The following USP44 variants were observed in gnomAD, a reference collection of about 807,000 sequenced individuals.
USP44 encodes the protein ubiquitin carboxyl-terminal hydrolase 44.
In USP44, 61 loss-of-function variants were observed where a neutral mutation model predicts 69.0. That is an observed-to-expected ratio of 0.88 (90% CI 0.72 to 1.09). The LOEUF is 1.09. USP44 is among the 50% of genes least tolerant of loss of function. The pLI is 0.00. For synonymous variants in USP44, 297 were observed against 295.4 expected, an observed-to-expected ratio of 1.01 and a Z score of -0.06; for missense variants, 753 against 849.9, an observed-to-expected ratio of 0.89 and a Z score of 1.42.
intron 4 of USP44, among the ~76,000 whole-genome samples, chr12:95,523,562 A>G (rs2076734833): frequency 6.6e-6 from 1 of 152,010 alleles, no homozygotes; most frequent in Non-Finnish European, 1.5e-5. Flanking sequence ...TTTTTCCAAT[A>G]TCTCTCAGCC....
At chr12:95,544,864 ATGTCTTAGTGTC>A (rs2077522500) in intron 1 of USP44, among the ~76,000 whole-genome samples, 2 of 152,138 alleles carry the variant, frequency 1.3e-5, no homozygotes, top group Non-Finnish European at 2.9e-5. Flanking sequence ...TACATTTTAT[ATGTCTTAGTGTC>A]TTATAACCAC....
chr12:95,517,465 C>A lies in USP44; in HGVS notation c.*689G>T, dbSNP rs1430612170. ...CTGGACAAACCTGTTTGCTGCCAGA[C>A]AAAAATCATAAATCCCAGCCATCAT... On this transcript the variant is annotated 3_prime_UTR_variant, in exon 6 of 6. Transcript: ENST00000258499. The A allele has an allele frequency of 6.7e-6, 1 of 149,062 alleles. No individual in the cohort carries two copies. Among genetic ancestry groups the A allele is most frequent in the Admixed American group, 6.7e-5 (1 of 15,020 alleles). 9.2% of individuals were successfully genotyped at this position (149,062 alleles called of 1,614,324 possible).
At chr12:95,539,899 T>C (rs2140337387) in intron 1 of USP44, among the ~76,000 whole-genome samples, 1 of 152,310 alleles carries the variant, frequency 6.6e-6, no homozygotes, top group Non-Finnish European at 1.5e-5. Flanking sequence ...AAATCAAATA[T>C]CACAGGTAAT....
At chr12:95,527,996 G>A (rs922013522) in intron 3 of USP44, among the ~76,000 whole-genome samples, 4 of 151,796 alleles carry the variant, frequency 2.6e-5, no homozygotes, top group Admixed American at 2.0e-4. Flanking sequence ...GTGCCACCAT[G>A]CCCAGCTAAT....
rs1166278141 is a variant in USP44 at position 95,518,007 on chromosome 12, A to ACTT, written c.*144_*146dup. On this transcript the variant is annotated 3_prime_UTR_variant, in exon 6 of 6. Transcript: ENST00000258499. ...ACCTTCAGTTGATATATACATTTAT[A>ACTT]CTTTGTAAAAAAAAAAATTGTTAGA... The ACTT allele has an allele frequency of 2.5e-6, 2 of 813,078 alleles. No individual in the cohort carries two copies. The highest frequency in any genetic ancestry group is 6.0e-5 in the Admixed American group (2 of 33,202). The allele number at this position is 813,078 out of a possible 1,614,324, so 50.4% of individuals were successfully genotyped here. A position where few individuals can be genotyped will look rare whatever the true frequency, so the allele number is the denominator to read the frequency against.
chr12:95,546,558 A>G lies in USP44; in HGVS notation c.-71+4714T>C, dbSNP rs552263650. On this transcript the variant is annotated intron_variant, in intron 1 of 5. Coordinates refer to ENST00000258499, the MANE Select transcript of USP44 (RefSeq NM_032147.5). ...TGAATTCAGAGAATTATTCGGGCAC[A>G]CGATTTATTTCCTATCTTGATTAGA... The G allele has an allele frequency of 2.0e-5, 3 of 152,284 alleles. No homozygotes were observed. In the East Asian group the frequency reaches 5.8e-4, roughly 29 times the overall value. The allele number at this position is 152,284 out of a possible 1,614,324, so 9.4% of individuals were successfully genotyped here. A position where few individuals can be genotyped will look rare whatever the true frequency, so the allele number is the denominator to read the frequency against.
rs2077652931 is a variant in USP44 at position 95,548,595 on chromosome 12, CCT to C, written c.-71+2675_-71+2676del. ...CCGCCGCGCGCCCCTCGGCTCATTC[CCT>C]TCCGCGCGCCCGCAGCCCCAGGCTC... is the stretch of plus-strand genomic sequence containing the variant. On this transcript the variant is annotated intron_variant, in intron 1 of 5. Transcript: ENST00000258499. This position sits in a 1 kb window ranked among gnomAD's most constrained non-coding sequence, Gnocchi z 4.1. 6.5e-6 allele frequency: 1 copy of C among 152,950 alleles called. No homozygotes were observed. Among genetic ancestry groups the C allele is most frequent in the African/African-American group, 2.4e-5 (1 of 41,402 alleles). The allele number at this position is 152,950 out of a possible 1,614,324, so 9.5% of individuals were successfully genotyped here.
intron 1 of USP44, among the ~76,000 whole-genome samples, chr12:95,537,424 T>G (rs1448504289): frequency 6.6e-6 from 1 of 152,096 alleles, no homozygotes; most frequent in East Asian, 1.9e-4. Flanking sequence ...GTTCAAGCGA[T>G]TCTCCTGCCT....
In USP44 at chr12:95,518,274, C is replaced by T; in HGVS notation, c.2019G>A (p.Leu673=). ...DEVCKAQAYI[L]FYTQRVTENG... ...TCTCAGTAACTCGTTGGGTATAAAA[C>T]AAGATATAAGCTTGAGCCTTGCATA... Residue 673 remains leucine, a synonymous_variant, in exon 6 of 6, where the codon TTG becomes TTA. Coordinates refer to ENST00000258499, the MANE Select transcript of USP44 (RefSeq NM_032147.5). 1.2e-6 allele frequency: 2 copies of T among 1,614,126 alleles called. No homozygotes were observed. Among genetic ancestry groups the T allele is most frequent in the African/African-American group, 2.7e-5 (2 of 75,030 alleles).
rs368895886 is a variant in USP44 at position 95,533,600 on chromosome 12, G to A, written c.657C>T (p.Leu219=). ...PPRKSLRLQG[L]AQSTIIEIVS... is the part of the protein sequence containing the mutation. ...CTATTTCTATTATGGTCGACTGAGC[G>A]AGCCCTTGTAAACGTAAACTCTTTC... Residue 219 remains leucine (L), a synonymous_variant, in exon 2 of 6, where the codon CTC becomes CTT. Transcript: ENST00000258499. 150 of 1,613,634 alleles carry A rather than the reference G, an allele frequency of 9.3e-5. No homozygotes were observed. The highest frequency in any genetic ancestry group is 1.8e-4 in the East Asian group (8 of 44,898).
intron 5 of USP44, 23 bp from the exon 6 acceptor site, chr12:95,518,376 A>C: frequency 6.2e-7 from 1 of 1,608,296 alleles, no homozygotes. Flanking sequence ...ACAGAAATAC[A>C]TTTATGAAGG....
At chr12:95,526,520 C>T (rs952872524) in intron 3 of USP44, among the ~76,000 whole-genome samples, 1 of 151,856 alleles carries the variant, frequency 6.6e-6, no homozygotes, top group African/African-American at 2.4e-5. Flanking sequence ...TGCAGTGAGC[C>T]GAGACTGTGC....
chr12:95,545,493 G>A (rs948178835), intron 1 of USP44, among the ~76,000 whole-genome samples: 4 of 152,274 alleles, frequency 2.6e-5, no homozygotes, highest in South Asian at 4.1e-4. Context: ...TAGGAAGTAG[G>A]CCTTAGGAAT....
chr12:95,524,914 G>C, intron 3 of USP44, 126 bp from the exon 4 acceptor site: 1 of 815,316 alleles, frequency 1.2e-6, no homozygotes. Flanking sequence ...ATTGTACTGT[G>C]CTAGAGATAG....
chr12:95,523,449 T>G (rs998905769), intron 4 of USP44, among the ~76,000 whole-genome samples: 2 of 152,194 alleles, frequency 1.3e-5, no homozygotes, highest in East Asian at 3.9e-4. Context: ...ACTGCAGAAC[T>G]GATGACTTGC....
intron 5 of USP44, 79 bp downstream of exon 5, chr12:95,520,918 G>T: frequency 1.5e-6 from 2 of 1,331,428 alleles, no homozygotes; most frequent in Non-Finnish European, 2.1e-6. Flanking sequence ...TGATTTAGTA[G>T]TCAATTTAGA....
intron 3 of USP44, 107 bp from the exon 4 acceptor site, chr12:95,524,895 G>A (rs1256647968): frequency 2.9e-6 from 3 of 1,029,616 alleles, no homozygotes; most frequent in Middle Eastern, 4.8e-4. Context: ...TATGTACTGT[G>A]TTCCAGGCAT....
chr12:95,518,454 T>G (rs1592654847), intron 5 of USP44, 101 bp from the exon 6 acceptor site: 10 of 1,174,544 alleles, frequency 8.5e-6, no homozygotes, highest in East Asian at 2.5e-5. Flanking sequence ...AATAATTTTC[T>G]AGCCAATTCA....
intron 1 of USP44, among the ~76,000 whole-genome samples, chr12:95,537,375 G>GT (rs2077240055): frequency 6.6e-6 from 1 of 152,052 alleles, no homozygotes; most frequent in Admixed American, 6.6e-5. Flanking sequence ...CTGGAGTGCA[G>GT]GGGTGCTATC....
Sources: gnomAD v4.1 joint callset for allele counts (sites outside exome capture counted in the v4.1 genomes callset) on GRCh38, gnomAD v4.1.1 for gene constraint, Gnocchi (gnomAD v3.1) non-coding constraint, MANE v1.5 for transcripts, NCBI Gene and HGNC (gene_info 2026-07-23, HGNC 2026-07-21) for gene names.